KCNJ5: variants seen among roughly 807,000 people sequenced by gnomAD.
KCNJ5 encodes the protein potassium inwardly rectifying channel subfamily J member 5.
In KCNJ5, 12 loss-of-function variants were observed where a neutral mutation model predicts 20.2. The observed-to-expected ratio is 0.59, with a 90% CI of 0.38 to 0.96. The LOEUF (loss-of-function observed/expected upper bound fraction) is 0.96, where lower values mean the gene tolerates loss of function less well. KCNJ5 is among the 40% of genes least tolerant of loss of function. The pLI, the probability that KCNJ5 is intolerant of heterozygous loss-of-function variation, is 0.00. For missense variants in KCNJ5, 449 were observed against 557.6 expected (o/e 0.81, Z 1.96); for synonymous variants, 210 against 213.9 (o/e 0.98, Z 0.16).
At chr11:128,907,022 G>T (rs945653476) in intron 1 of KCNJ5, among the ~76,000 whole-genome samples, 4 of 152,140 alleles carry the variant, frequency 2.6e-5, no homozygotes, top group African/African-American at 9.7e-5. Context: ...TGAGGGGACT[G>T]GGGCAGCCTG....
chr11:128,916,244 A>AGATG lies in KCNJ5; in HGVS notation c.938-132_938-129dup, dbSNP rs61176061. On this transcript the variant is annotated intron_variant, in intron 2 of 2. Coordinates refer to ENST00000529694, the MANE Select transcript of KCNJ5 (RefSeq NM_000890.5). ...TGGATGGTTGGATGGATAGATGATTAGATGGATGGATGGATGGATGGATGG... is the reference window on the plus strand; with the variant it reads ...TGGATGGTTGGATGGATAGATGATTAGATGGATGGATGGATGGATGGATGGATGG... 0.042 allele frequency among the ~76,000 whole-genome samples: 5,444 copies of AGATG among 129,208 alleles called. 188 individuals carry two copies. The highest frequency in any genetic ancestry group is 0.059 in the Non-Finnish European group (3,709 of 62,826). 84.8% of individuals were successfully genotyped at this position (129,208 alleles called of 152,430 possible).
rs1434552347 is a variant in KCNJ5, at chr11:128,918,949, C to T, written c.*2218C>T. On this transcript the variant is annotated 3_prime_UTR_variant, in exon 3 of 3. Transcript: ENST00000529694. ...AGACAGTGCCCCAGCAGGGGAGCTG[C>T]ATGCCCCCAGGAGTCTCAGAAAGGC... is the stretch of plus-strand genomic sequence containing the variant. The T allele has an allele frequency of 6.6e-6, 1 of 151,110 alleles. No individual in the cohort carries two copies. Among genetic ancestry groups the T allele is most frequent in the Non-Finnish European group, 1.5e-5 (1 of 67,938 alleles). 9.4% of individuals were successfully genotyped at this position (151,110 alleles called of 1,614,324 possible).
Position 128,917,141 on chromosome 11 carries a change from C to G in KCNJ5, c.*410C>G. The G allele has an allele frequency of 6.0e-6, 1 of 167,360 alleles. No homozygotes were observed. The highest frequency in any genetic ancestry group is 1.3e-5 in the Non-Finnish European group (1 of 77,686). The allele number at this position is 167,360 out of a possible 1,614,324, so 10.4% of individuals were successfully genotyped here. ...CTTCCACCCTGAGGCTTGCTGTGGACTCAGAGAGGAGACTTACCTGATGAG... is the reference window on the plus strand; with the variant it reads ...CTTCCACCCTGAGGCTTGCTGTGGAGTCAGAGAGGAGACTTACCTGATGAG... On this transcript the variant is annotated 3_prime_UTR_variant, in exon 3 of 3. Transcript: ENST00000529694.
At chr11:128,901,492 G>A (rs1318331400) in intron 1 of KCNJ5, 1 of 152,246 alleles carries the variant, frequency 6.6e-6, no homozygotes, top group African/African-American at 2.4e-5. Context: ...TAAAACAAAA[G>A]CAAAAAGAGT....
At chr11:128,916,356 G>A in intron 2 of KCNJ5, 53 bp from the exon 3 acceptor site, 1 of 1,314,878 alleles carries the variant, frequency 7.6e-7, no homozygotes, top group Non-Finnish European at 1.1e-6. Flanking sequence ...ATGAATGGAT[G>A]GATAGATGGA....
intron 1 of KCNJ5, among the ~76,000 whole-genome samples, chr11:128,910,837 A>G (rs1165790849): frequency 6.6e-6 from 1 of 152,222 alleles, no homozygotes; most frequent in Non-Finnish European, 1.5e-5. Context: ...TATAGTATTT[A>G]TATAGTGGGG....
intron 2 of KCNJ5, among the ~76,000 whole-genome samples, 173 bp from the exon 3 acceptor site, chr11:128,916,236 A>G (rs878970493): frequency 1.1e-3 from 46 of 40,460 alleles, no homozygotes; most frequent in African/African-American, 3.5e-3. Flanking sequence ...TTGGATGGAT[A>G]GATGATTAGA....
chr11:128,900,780 A>G (rs948572793), intron 1 of KCNJ5: 4 of 152,256 alleles, frequency 2.6e-5, no homozygotes, highest in Non-Finnish European at 5.9e-5. Context: ...AAGGGGACTA[A>G]TGTGATAGGA....
chr11:128,896,151 A>G (rs901975762), intron 1 of KCNJ5, among the ~76,000 whole-genome samples: 3 of 151,896 alleles, frequency 2.0e-5, no homozygotes, highest in African/African-American at 7.3e-5. Context: ...TTGATCATAA[A>G]TGCCGTTTAG....
chr11:128,911,185 G>C lies in KCNJ5; in HGVS notation c.-10-79G>C, dbSNP rs1202938201. 1 of 1,148,888 alleles carries C rather than the reference G, an allele frequency of 8.7e-7. No individual in the cohort carries two copies. Among genetic ancestry groups the C allele is most frequent in the Admixed American group, 1.8e-5 (1 of 55,130 alleles). The allele number at this position is 1,148,888 out of a possible 1,614,324, so 71.2% of individuals were successfully genotyped here. Reference sequence around the variant, plus strand: ...AGAAGAGAAGCCTGGGAGAGCCCCGGGGTGGGGGTGGCCTTCCATCTTGTG... The same window carrying C: ...AGAAGAGAAGCCTGGGAGAGCCCCGCGGTGGGGGTGGCCTTCCATCTTGTG... On this transcript the variant is annotated intron_variant, in intron 1 of 2. Transcript: ENST00000529694. The surrounding 1 kb of genome is among the most constrained non-coding windows in gnomAD (Gnocchi z 6.3).
At chr11:128,903,625 A>C in intron 1 of KCNJ5, 14 of 1,125,734 alleles carry the variant, frequency 1.2e-5, no homozygotes, top group Middle Eastern at 2.2e-4. Flanking sequence ...TCAGAGAGTG[A>C]CGGGGCACTC....
intron 1 of KCNJ5, among the ~76,000 whole-genome samples, chr11:128,908,417 A>T (rs542001919): frequency 6.6e-6 from 1 of 152,300 alleles, no homozygotes; most frequent in South Asian, 2.1e-4. Context: ...TTGGACACTG[A>T]GTCAGAATCC....
At chr11:128,893,575 G>A (rs1201479442) in intron 1 of KCNJ5, among the ~76,000 whole-genome samples, 1 of 152,190 alleles carries the variant, frequency 6.6e-6, no homozygotes, top group Non-Finnish European at 1.5e-5. Context: ...CTCAGGCATG[G>A]CTGTTTTCTG....
intron 2 of KCNJ5, among the ~76,000 whole-genome samples, chr11:128,913,967 G>C (rs1212816214): frequency 6.6e-6 from 1 of 152,208 alleles, no homozygotes; most frequent in African/African-American, 2.4e-5. Flanking sequence ...AGAGGGCAAT[G>C]ACAAGCTCCA....
chr11:128,899,862 G>A (rs1195505764), intron 1 of KCNJ5: 1 of 152,186 alleles, frequency 6.6e-6, no homozygotes, highest in African/African-American at 2.4e-5. Context: ...AAAGGGAAGG[G>A]GTGTAAGGAG....
At chr11:128,892,323 C>T (rs1035051084) in intron 1 of KCNJ5, among the ~76,000 whole-genome samples, 6 of 152,298 alleles carry the variant, frequency 3.9e-5, no homozygotes, top group Non-Finnish European at 7.4e-5. Context: ...CAGAGAAGGC[C>T]GGCCTTGTCA....
chr11:128,894,348 G>C (rs1372022535), intron 1 of KCNJ5, among the ~76,000 whole-genome samples: 2 of 152,192 alleles, frequency 1.3e-5, no homozygotes, highest in South Asian at 2.1e-4. Flanking sequence ...AATACTGATT[G>C]ACTATTTAGG....
chr11:128,902,843 C>T, intron 1 of KCNJ5: 2 of 1,021,564 alleles, frequency 2.0e-6, no homozygotes, highest in Non-Finnish European at 1.4e-6. Context: ...CTCCGACTCC[C>T]TAGCCCAGAA....
rs771161358 is a variant in KCNJ5 at position 128,911,805 on chromosome 11, G to A, written c.532G>A (p.Val178Ile). Residue 178 changes from valine to isoleucine, a missense_variant, in exon 2 of 3, where the codon GTC becomes ATC. Physicochemically the swap from Val to Ile is conservative, Grantham distance 29. Around this residue, in one of 5 missense-constraint regions of KCNJ5, gnomAD observed 203 missense variants for 258.0 expected, o/e 0.79. Transcript: ENST00000529694. The surrounding 1 kb of genome is among the most constrained non-coding windows in gnomAD (Gnocchi z 6.3). ...GGTCCAGGCCATCCTGGGCTCCATC[G>A]TCAATGCCTTCATGGTGGGGTGCAT... ...LLVQAILGSIVNAFMVGCMFV... is the reference protein window; with the variant it reads ...LLVQAILGSIINAFMVGCMFV... The A allele has an allele frequency of 7.4e-6, 12 of 1,614,064 alleles. No homozygotes were observed. The highest frequency in any genetic ancestry group is 2.2e-5 in the East Asian group (1 of 44,896).
Sources: gnomAD v4.1 joint callset for allele counts (sites outside exome capture counted in the v4.1 genomes callset) on GRCh38, gnomAD v4.1.1 for gene constraint, gnomAD v4.1.1 regional missense constraint, Gnocchi (gnomAD v3.1) non-coding constraint, MANE v1.5 for transcripts, NCBI Gene and HGNC (gene_info 2026-07-23, HGNC 2026-07-21) for gene names.